SV2B: variants seen among roughly 807,000 people sequenced by gnomAD.
SV2B encodes the protein synaptic vesicle glycoprotein 2B, also known as solute carrier family 22 member B2.
Under a neutral mutation model 73.9 loss-of-function variants are expected in SV2B, and 41 were observed. The observed-to-expected ratio is 0.56, with a 90% CI of 0.43 to 0.72. The LOEUF is 0.72. Ranked by LOEUF, SV2B falls within the 30% of genes least tolerant of loss-of-function variation. The pLI is 0.00. For synonymous variants in SV2B, 314 were observed against 314.2 expected, an observed-to-expected ratio of 1.00 and a Z score of 0.01; for missense variants, 764 against 857.8, an observed-to-expected ratio of 0.89 and a Z score of 1.37.
intron 1 of SV2B, among the ~76,000 whole-genome samples, chr15:91,176,251 T>C (rs1490972370): frequency 6.6e-6 from 1 of 152,194 alleles, no homozygotes; most frequent in Non-Finnish European, 1.5e-5. Context: ...TAGTATTCCA[T>C]GGTGTATATG....
In SV2B at chr15:91,276,971, A is replaced by G. The variant is rs7171307; in HGVS notation, c.1374-4757A>G. Among the ~76,000 whole-genome samples, 62 of 151,840 alleles carry G rather than the reference A, an allele frequency of 4.1e-4. 1 individual carries two copies. In the South Asian group the frequency reaches 0.013, roughly 32 times the overall value. ...GAATAAGTGGGATTACAGGCATGCA[A>G]CACCACACCTGGCTAATTTTTTGTA... On this transcript the variant is annotated intron_variant, in intron 9 of 12. Transcript: ENST00000394232.
rs1449784796 is a variant in SV2B, at chr15:91,241,223, T to C, written c.452-10596T>C. 6.6e-6 allele frequency among the ~76,000 whole-genome samples: 1 copy of C among 152,198 alleles called. No homozygotes were observed. Among genetic ancestry groups the C allele is most frequent in the Non-Finnish European group, 1.5e-5 (1 of 68,032 alleles). On this transcript the variant is annotated intron_variant, in intron 2 of 12. Transcript: ENST00000394232. The surrounding 1 kb of genome is among the most constrained non-coding windows in gnomAD (Gnocchi z 4.8). ...CCCTTGTTCTCACCACATTCCTCAC[T>C]GAGCTTAATGTCCATGTCCATAATC...
Position 91,128,524 on chromosome 15 carries a change from C to G in SV2B, c.-392+28161C>G, listed in dbSNP as rs76414839. 2.0e-5 allele frequency among the ~76,000 whole-genome samples: 3 copies of G among 152,198 alleles called. No individual in the cohort carries two copies. The highest frequency in any genetic ancestry group is 4.4e-5 in the Non-Finnish European group (3 of 68,024). On this transcript the variant is annotated intron_variant, in intron 1 of 12. Coordinates refer to ENST00000394232, the MANE Select transcript of SV2B (RefSeq NM_001323032.3). The surrounding 1 kb of genome is among the most constrained non-coding windows in gnomAD (Gnocchi z 4.2). ...GCGAAAGTGTTTTTCTCCTCCCCGT[C>G]TGTCTCTCAGTCCCAGTCTCTCTCA...
intron 1 of SV2B, among the ~76,000 whole-genome samples, chr15:91,164,298 G>A (rs1038065782): frequency 2.6e-5 from 4 of 152,096 alleles, no homozygotes; most frequent in East Asian, 1.9e-4. Context: ...CCAAGACAAC[G>A]CTAAGCAAAA....
rs2046294043 is a variant in SV2B at position 91,223,893 on chromosome 15, T to C, written c.-391-1980T>C. The stretch of plus-strand genomic sequence containing the variant: ...GATTCCGTGTGTTATTTGTGGAAAA[T>C]GCAGATTGCAGGGCCCTGCCCTATC... On this transcript the variant is annotated intron_variant, in intron 1 of 12. Transcript: ENST00000394232. The surrounding 1 kb of genome is among the most constrained non-coding windows in gnomAD (Gnocchi z 4.6). 1.3e-5 allele frequency among the ~76,000 whole-genome samples: 2 copies of C among 152,216 alleles called. No individual in the cohort carries two copies. Among genetic ancestry groups the C allele is most frequent in the Admixed American group, 1.3e-4 (2 of 15,284 alleles).
chr15:91,143,044 A>C (rs2043041967), intron 1 of SV2B, among the ~76,000 whole-genome samples: 1 of 152,208 alleles, frequency 6.6e-6, no homozygotes, highest in Admixed American at 6.5e-5. Flanking sequence ...GTGACAGCAC[A>C]GCCAGTGGCT....
At chr15:91,158,942 A>G (rs1186628541) in intron 1 of SV2B, among the ~76,000 whole-genome samples, 1 of 151,728 alleles carries the variant, frequency 6.6e-6, no homozygotes, top group Non-Finnish European at 1.5e-5. Context: ...AAGGTACTCT[A>G]ATAAGGTTGT....
chr15:91,137,545 C>T lies in SV2B; in HGVS notation c.-392+37182C>T, dbSNP rs1019338643. On this transcript the variant is annotated intron_variant, in intron 1 of 12. Transcript: ENST00000394232. The surrounding 1 kb of genome is among the most constrained non-coding windows in gnomAD (Gnocchi z 4.9). ...CTTATTAGATTTTATTCCAAAACTA[C>T]AGGACAAAACTAGGAAAATGTGAAA... is the stretch of plus-strand genomic sequence containing the variant. Among the ~76,000 whole-genome samples, 5 of 147,536 alleles carry T rather than the reference C, an allele frequency of 3.4e-5. No individual in the cohort carries two copies. The highest frequency in any genetic ancestry group is 3.5e-3 in the Middle Eastern group (1 of 284).
chr15:91,198,021 C>T (rs531268180), intron 1 of SV2B, among the ~76,000 whole-genome samples: 9 of 152,132 alleles, frequency 5.9e-5, no homozygotes, highest in African/African-American at 2.2e-4. Context: ...GGCAACAGAG[C>T]GAGAGTCCGT....
In SV2B at chr15:91,292,696, A is replaced by G; in HGVS notation, c.*144A>G. The G allele has an allele frequency of 1.0e-6, 1 of 987,342 alleles. No individual in the cohort carries two copies. Among genetic ancestry groups the G allele is most frequent in the Non-Finnish European group, 1.4e-6 (1 of 697,190 alleles). 61.2% of individuals were successfully genotyped at this position (987,342 alleles called of 1,614,324 possible). A position where few individuals can be genotyped will look rare whatever the true frequency, so the allele number is the denominator to read the frequency against. ...CTTTGTGACCCCTAGTTTAGGACCC[A>G]CTTCAGCTGTCAATATGTTTGTAAC... On this transcript the variant is annotated 3_prime_UTR_variant, in exon 13 of 13. Transcript: ENST00000394232.
chr15:91,127,307 C>T (rs935393944), intron 1 of SV2B, among the ~76,000 whole-genome samples: 1 of 152,106 alleles, frequency 6.6e-6, no homozygotes. Context: ...GTGGGAGGCA[C>T]ATTTAAGCAT....
intron 1 of SV2B, among the ~76,000 whole-genome samples, chr15:91,148,876 T>G (rs1039219632): frequency 1.3e-5 from 2 of 152,180 alleles, no homozygotes; most frequent in African/African-American, 4.8e-5. Context: ...ATGAACTGGA[T>G]AAATCCTACC....
At chr15:91,147,965 C>CCTT (rs2043194835) in intron 1 of SV2B, among the ~76,000 whole-genome samples, 9 of 39,260 alleles carry the variant, frequency 2.3e-4, no homozygotes, top group Admixed American at 4.5e-4. Context: ...CCCCCCCCAA[C>CCTT]TTTTTTTTTT....
At chr15:91,172,178 C>A (rs74038095) in intron 1 of SV2B, among the ~76,000 whole-genome samples, 17,374 of 152,246 alleles carry the variant, frequency 0.11, 1,315 homozygotes, top group African/African-American at 0.21. Context: ...CTCTTCTCGG[C>A]CTGGCCACAG....
rs1193438239 is a variant in SV2B at position 91,232,302 on chromosome 15, T to G, written c.451+5588T>G. 6.6e-6 allele frequency among the ~76,000 whole-genome samples: 1 copy of G among 152,244 alleles called. No homozygotes were observed. The highest frequency in any genetic ancestry group is 2.4e-5 in the African/African-American group (1 of 41,468). ...GTTCTTATTTATACTGTTTAGATCA[T>G]GTAATTCTTCAGGATAGACTGATTA... On this transcript the variant is annotated intron_variant, in intron 2 of 12. Coordinates refer to ENST00000394232, the MANE Select transcript of SV2B (RefSeq NM_001323032.3). The surrounding 1 kb of genome is among the most constrained non-coding windows in gnomAD (Gnocchi z 4.7).
chr15:91,222,604 G>GCCAGCGA (rs1391664657), intron 1 of SV2B, among the ~76,000 whole-genome samples: 2 of 152,150 alleles, frequency 1.3e-5, no homozygotes, highest in African/African-American at 4.8e-5. Flanking sequence ...TGTGAGCTCT[G>GCCAGCGA]CCAGCGACTC....
chr15:91,237,105 T>C (rs2046814525), intron 2 of SV2B, among the ~76,000 whole-genome samples: 1 of 152,142 alleles, frequency 6.6e-6, no homozygotes. Flanking sequence ...AGAAATAGAC[T>C]CCATCTTCTA....
intron 1 of SV2B, among the ~76,000 whole-genome samples, chr15:91,208,947 ATCT>A (rs980693747): frequency 4.9e-4 from 74 of 152,078 alleles, no homozygotes; most frequent in African/African-American, 1.7e-3. Flanking sequence ...CAGGAATGCA[ATCT>A]TCTTCTTTTT....
At chr15:91,138,260 G>C (rs965268946) in intron 1 of SV2B, among the ~76,000 whole-genome samples, 3 of 152,204 alleles carry the variant, frequency 2.0e-5, no homozygotes, top group African/African-American at 7.2e-5. Context: ...ACAGTCTAAC[G>C]TAGTAGCCAG....
Sources: allele counts gnomAD v4.1 joint callset (sites outside exome capture counted in the v4.1 genomes callset), GRCh38; gene constraint gnomAD v4.1.1; non-coding constraint Gnocchi (gnomAD v3.1); transcripts MANE v1.5; gene names NCBI Gene and HGNC (gene_info 2026-07-23, HGNC 2026-07-21).